The following PHIP variants were observed in gnomAD, a reference collection of about 807,000 sequenced individuals.
PHIP encodes PH-interacting protein.
Under a neutral mutation model 236.8 loss-of-function variants are expected in PHIP, and 54 were observed. The ratio of observed to expected loss-of-function variants is 0.23; its 90% CI spans 0.18 to 0.29. The LOEUF (loss-of-function observed/expected upper bound fraction) is 0.29, where lower values mean the gene tolerates loss of function less well. Ranked by LOEUF, PHIP falls within the 10% of genes least tolerant of loss-of-function variation. The pLI is 1.00. For missense variants in PHIP, 1,370 were observed against 2,190.8 expected (o/e 0.63, Z 7.48); for synonymous variants, 756 against 718.9 (o/e 1.05, Z -0.83).
chr6:78,954,717 A>C, intron 35 of PHIP, 97 bp downstream of exon 35: 3 of 747,612 alleles, frequency 4.0e-6, no homozygotes, highest in Middle Eastern at 2.4e-4. Flanking sequence ...ATAAAGAAAT[A>C]AACTATAATC....
chr6:79,038,726 C>T (rs988850866), intron 7 of PHIP, among the ~76,000 whole-genome samples: 2 of 152,022 alleles, frequency 1.3e-5, no homozygotes, highest in Non-Finnish European at 2.9e-5. Context: ...TAATGTATTC[C>T]ATTTTCCAAG....
chr6:79,051,690 T>C (rs1055406274), intron 6 of PHIP, among the ~76,000 whole-genome samples: 12 of 152,082 alleles, frequency 7.9e-5, no homozygotes, highest in Non-Finnish European at 4.4e-5. Flanking sequence ...AGCAAAAAAT[T>C]TCATGAACCA....
At chr6:79,008,155 C>CA (rs1770393373) in intron 15 of PHIP, among the ~76,000 whole-genome samples, 1 of 151,316 alleles carries the variant, frequency 6.6e-6, no homozygotes, top group African/African-American at 2.4e-5. Context: ...TGTGCCACTG[C>CA]ACTCCAGCCT....
intron 20 of PHIP, among the ~76,000 whole-genome samples, chr6:78,990,195 C>T (rs1257688314): frequency 6.6e-6 from 1 of 152,094 alleles, no homozygotes; most frequent in Non-Finnish European, 1.5e-5. Flanking sequence ...TTCACATAGG[C>T]TTCCTCAATT....
chr6:78,995,310 A>G (rs1379907068), intron 19 of PHIP, among the ~76,000 whole-genome samples: 2 of 152,210 alleles, frequency 1.3e-5, no homozygotes, highest in East Asian at 1.9e-4. Context: ...TATTACAAAT[A>G]AAGCTGCTAT....
intron 24 of PHIP, among the ~76,000 whole-genome samples, chr6:78,975,488 A>G (rs1767983538): frequency 6.6e-6 from 1 of 151,962 alleles, no homozygotes; most frequent in Admixed American, 6.6e-5. Flanking sequence ...CTCTCTCACC[A>G]CTCCTATTCA....
intron 20 of PHIP, among the ~76,000 whole-genome samples, chr6:78,989,482 G>GA (rs1424509177): frequency 1.3e-5 from 2 of 151,920 alleles, no homozygotes; most frequent in Non-Finnish European, 2.9e-5. Flanking sequence ...TCTTGTCTTA[G>GA]AAAAAAACAA....
chr6:78,982,793 C>G (rs1228082283), intron 23 of PHIP, 93 bp downstream of exon 23: 5 of 754,344 alleles, frequency 6.6e-6, no homozygotes, highest in African/African-American at 5.3e-5. Context: ...TGCTGATACA[C>G]TTCAACAATG....
chr6:78,964,946 A>G (rs986100845), intron 29 of PHIP, among the ~76,000 whole-genome samples: 1 of 152,106 alleles, frequency 6.6e-6, no homozygotes, highest in Admixed American at 6.6e-5. Flanking sequence ...TGTGTGTTGT[A>G]TTTTTTACAA....
At chr6:79,041,346 T>C (rs577979869) in intron 7 of PHIP, among the ~76,000 whole-genome samples, 1 of 152,104 alleles carries the variant, frequency 6.6e-6, no homozygotes, top group East Asian at 1.9e-4. Context: ...CACTGCATTC[T>C]CCCTAAAAAA....
At position 79,060,464 on chromosome 6, in the gene PHIP, C is replaced by T. The variant is rs765466334; in HGVS notation, c.439+14G>A. The stretch of plus-strand genomic sequence containing the variant: ...CAAGAGGCTATTAACTACTAGTGAA[C>T]TCAAACAACTCACCAATGCTGGGTG... On this transcript the variant is annotated intron_variant, in intron 6 of 39. Coordinates refer to ENST00000275034, the MANE Select transcript of PHIP (RefSeq NM_017934.7). 2.5e-6 allele frequency: 4 copies of T among 1,592,450 alleles called. No individual in the cohort carries two copies. Among genetic ancestry groups the T allele is most frequent in the South Asian group, 1.1e-5 (1 of 88,976 alleles).
At chr6:78,976,057 G>A (rs1239912328) in intron 24 of PHIP, among the ~76,000 whole-genome samples, 33 of 151,880 alleles carry the variant, frequency 2.2e-4, no homozygotes, top group African/African-American at 7.0e-4. Context: ...AAAAGGGCCC[G>A]CATTGCCAAG....
rs1770891077 is a variant in PHIP at position 79,017,548 on chromosome 6, T to C, written c.1030A>G (p.Ile344Val). Reference sequence around the variant, plus strand: ...GATCCAAAAAAATAAACCCGAATAATATGATCTGTGCTTCCCGTCGCCAGA... The same window carrying C: ...GATCCAAAAAAATAAACCCGAATAACATGATCTGTGCTTCCCGTCGCCAGA... The part of the protein sequence containing the change: ...MFLATGSTDH[I>V]IRVYFFGSGQ... The change falls in exon 11 of 40, where the codon ATT becomes GTT. Residue 344 changes from isoleucine to valine, a missense_variant. Physicochemically the swap from Ile to Val is conservative, Grantham distance 29. Coordinates refer to ENST00000275034, the MANE Select transcript of PHIP (RefSeq NM_017934.7). 2 of 1,612,248 alleles carry C rather than the reference T, an allele frequency of 1.2e-6. No homozygotes were observed. Among genetic ancestry groups the C allele is most frequent in the Admixed American group, 3.3e-5 (2 of 59,908 alleles).
At chr6:78,992,049 C>T (rs1769285324) in intron 19 of PHIP, among the ~76,000 whole-genome samples, 1 of 150,224 alleles carries the variant, frequency 6.7e-6, no homozygotes, top group South Asian at 2.1e-4. Context: ...GCAGGCTCTG[C>T]CCCCCGGGGT....
At chr6:78,970,679 T>A (rs1767473751) in intron 25 of PHIP, 102 bp downstream of exon 25, 1 of 711,560 alleles carries the variant, frequency 1.4e-6, no homozygotes, top group Non-Finnish European at 2.3e-6. Context: ...GGTATCTTCA[T>A]GATGCAGTTT....
chr6:78,990,554 T>C (rs1769170695), intron 20 of PHIP, among the ~76,000 whole-genome samples: 2 of 152,248 alleles, frequency 1.3e-5, no homozygotes, highest in African/African-American at 4.8e-5. Context: ...AAATGCTATT[T>C]TTAGACTGTA....
chr6:79,021,482 C>T (rs578191439), intron 9 of PHIP, among the ~76,000 whole-genome samples: 19 of 152,266 alleles, frequency 1.2e-4, no homozygotes, highest in African/African-American at 4.3e-4. Context: ...CCACAGTGTC[C>T]AACAACAGAT....
intron 36 of PHIP, among the ~76,000 whole-genome samples, chr6:78,947,345 A>G (rs1166390658): frequency 4.6e-5 from 7 of 152,220 alleles, no homozygotes; most frequent in Admixed American, 2.0e-4. Flanking sequence ...AATAGCTAGA[A>G]AACTCAAGGC....
intron 36 of PHIP, among the ~76,000 whole-genome samples, chr6:78,947,335 A>G (rs1214622373): frequency 6.6e-6 from 1 of 152,216 alleles, no homozygotes; most frequent in Non-Finnish European, 1.5e-5. Flanking sequence ...CAAGGCAGAT[A>G]ATAGCTAGAA....
Sources: gnomAD v4.1 joint callset for allele counts (sites outside exome capture counted in the v4.1 genomes callset) on GRCh38, gnomAD v4.1.1 for gene constraint, MANE v1.5 for transcripts, NCBI Gene and HGNC (gene_info 2026-07-23, HGNC 2026-07-21) for gene names.